HECA: variants seen among roughly 807,000 people sequenced by gnomAD.
HECA encodes headcase protein homolog.
In HECA, 13 loss-of-function variants were observed where a neutral mutation model predicts 37.6. That is an observed-to-expected ratio of 0.35 (90% CI 0.23 to 0.55). The LOEUF (loss-of-function observed/expected upper bound fraction) is 0.55. HECA is among the 20% of genes least tolerant of loss of function. The pLI is 0.90. For synonymous variants in HECA, 307 were observed against 291.5 expected (o/e 1.05, Z -0.54); for missense variants, 527 against 701.9 (o/e 0.75, Z 2.82).
At chr6:139,169,755 G>A (rs1774945596) in intron 2 of HECA, 1 of 152,200 alleles carries the variant, frequency 6.6e-6, no homozygotes, top group Non-Finnish European at 1.5e-5. Context: ...TTCAAGAGAT[G>A]TAAGTGGAAG....
chr6:139,137,866 T>A (rs1774469291), intron 1 of HECA, among the ~76,000 whole-genome samples: 1 of 152,058 alleles, frequency 6.6e-6, no homozygotes. Context: ...TGTTTCTGAT[T>A]AGGAGCTTAT....
At chr6:139,143,952 G>T (rs1200834960) in intron 1 of HECA, among the ~76,000 whole-genome samples, 2 of 152,140 alleles carry the variant, frequency 1.3e-5, no homozygotes, top group African/African-American at 4.8e-5. Context: ...AGCATATGTG[G>T]CAAAATATTG....
At chr6:139,162,683 A>G (rs1445428167) in intron 1 of HECA, among the ~76,000 whole-genome samples, 1 of 152,232 alleles carries the variant, frequency 6.6e-6, no homozygotes, top group African/African-American at 2.4e-5. Context: ...TAATTGTAAC[A>G]TATGACAGAA....
rs1582953723 is a variant in HECA at position 139,178,958 on chromosome 6, C to G, written c.*1853C>G. The G allele has an allele frequency of 6.6e-6, 1 of 152,162 alleles. No homozygotes were observed. Among genetic ancestry groups the G allele is most frequent in the African/African-American group, 2.4e-5 (1 of 41,428 alleles). The allele number at this position is 152,162 out of a possible 1,614,324, so 9.4% of individuals were successfully genotyped here. On this transcript the variant is annotated 3_prime_UTR_variant, in exon 4 of 4. Transcript: ENST00000367658. ...ACCAATGTTATTCACTAATATCATT[C>G]ATCTTTCAGTTTGGATGATTTGGTT...
At chr6:139,157,630 A>C (rs1446457537) in intron 1 of HECA, among the ~76,000 whole-genome samples, 2 of 152,260 alleles carry the variant, frequency 1.3e-5, no homozygotes, top group Non-Finnish European at 2.9e-5. Flanking sequence ...CATAAGCCTA[A>C]AGCACACATA....
chr6:139,143,763 A>AG (rs1289512947), intron 1 of HECA, among the ~76,000 whole-genome samples: 2 of 151,754 alleles, frequency 1.3e-5, no homozygotes, highest in African/African-American at 4.8e-5. Context: ...CGGGAGGCTG[A>AG]GGCAGGAGAA....
At chr6:139,164,101 G>C (rs530684985) in intron 1 of HECA, among the ~76,000 whole-genome samples, 78 of 103,776 alleles carry the variant, frequency 7.5e-4, no homozygotes, top group African/African-American at 2.3e-3. Context: ...CTCTCTCTCT[G>C]AGCATCTTCT....
intron 1 of HECA, among the ~76,000 whole-genome samples, chr6:139,148,506 G>A (rs1774611310): frequency 6.6e-6 from 1 of 152,234 alleles, no homozygotes; most frequent in South Asian, 2.1e-4. Context: ...GCTTACGCCT[G>A]TAATCTCAGC....
At chr6:139,139,127 G>T (rs72978610) in intron 1 of HECA, among the ~76,000 whole-genome samples, 6,231 of 152,232 alleles carry the variant, frequency 0.041, 136 homozygotes, top group African/African-American at 0.063. Flanking sequence ...ATTCCTTACT[G>T]CCTCTAGAAC....
chr6:139,154,746 A>G (rs953191473), intron 1 of HECA, among the ~76,000 whole-genome samples: 6 of 152,256 alleles, frequency 3.9e-5, no homozygotes, highest in African/African-American at 1.4e-4. Flanking sequence ...GAGAAGAAGC[A>G]GGTCCAGCAT....
At chr6:139,158,084 C>T (rs935079827) in intron 1 of HECA, among the ~76,000 whole-genome samples, 1 of 152,178 alleles carries the variant, frequency 6.6e-6, no homozygotes, top group Admixed American at 6.5e-5. Flanking sequence ...TGGCCAGGTG[C>T]AGTGGCTCAC....
chr6:139,158,502 C>CAA lies in HECA; in HGVS notation c.272-7768_272-7767dup, dbSNP rs34211036. Among the ~76,000 whole-genome samples, 488 of 130,734 alleles carry CAA rather than the reference C, an allele frequency of 3.7e-3. 5 individuals carry two copies. In the South Asian group the frequency reaches 0.041, roughly 11 times the overall value. 85.8% of individuals were successfully genotyped at this position (130,734 alleles called of 152,430 possible). ...TGGGTGACAGAGCGAGATTCCATCT[C>CAA]AAAAAAAAAAAAAAATCAGCTGGGA... is the stretch of plus-strand genomic sequence containing the variant. On this transcript the variant is annotated intron_variant, in intron 1 of 3. Transcript: ENST00000367658.
chr6:139,136,267 T>TAAAAAA (rs71674341), intron 1 of HECA, among the ~76,000 whole-genome samples: 2 of 132,032 alleles, frequency 1.5e-5, no homozygotes, highest in Non-Finnish European at 3.2e-5. Flanking sequence ...AGCCCGGAGT[T>TAAAAAA]AAAAAAAAAA....
At chr6:139,163,967 G>T (rs1297862959) in intron 1 of HECA, among the ~76,000 whole-genome samples, 1 of 151,998 alleles carries the variant, frequency 6.6e-6, no homozygotes, top group African/African-American at 2.4e-5. Context: ...AAATCAGTGG[G>T]TCCTAAATAG....
intron 1 of HECA, among the ~76,000 whole-genome samples, chr6:139,135,960 C>CT (rs1201702722): frequency 6.6e-6 from 1 of 151,968 alleles, no homozygotes; most frequent in African/African-American, 2.4e-5. Context: ...CGCGCTGGCA[C>CT]TGCCCCGCCG....
chr6:139,136,693 G>A (rs757513271), intron 1 of HECA, among the ~76,000 whole-genome samples: 3 of 151,228 alleles, frequency 2.0e-5, no homozygotes, highest in Non-Finnish European at 4.4e-5. Context: ...GGAGCGTAGT[G>A]GCGCAATCTC....
In HECA at chr6:139,167,281, G is replaced by A. The variant is rs375410347; in HGVS notation, c.1269G>A (p.Ser423=). The change falls in exon 2 of 4, where the codon TCG becomes TCA. Residue 423 remains serine (S), a synonymous_variant. Coordinates refer to ENST00000367658, the MANE Select transcript of HECA (RefSeq NM_016217.3). ...LVDGTLFLSP[S]RHDEIEYDVP... ...ATGGAACTTTGTTCCTAAGCCCGTC[G>A]AGACATGATGAGATCGAATATGATG... The A allele has an allele frequency of 2.5e-5, 41 of 1,609,248 alleles. No individual in the cohort carries two copies. Among genetic ancestry groups the A allele is most frequent in the South Asian group, 4.4e-5 (4 of 90,930 alleles).
chr6:139,142,111 AG>A (rs2114436106), intron 1 of HECA, among the ~76,000 whole-genome samples: 1 of 151,960 alleles, frequency 6.6e-6, no homozygotes, highest in South Asian at 2.1e-4. Flanking sequence ...TATTTTTAGT[AG>A]AGACAGGGTT....
In HECA at chr6:139,176,661, AG is replaced by A. The variant is rs1314488788; in HGVS notation, c.1468-275del. ...AGCTTCAGCCGCTGTCTTAAAATCC[AG>A]GGGGAGGGGTTTCTTATTGTTAGGG... is the stretch of plus-strand genomic sequence containing the variant. On this transcript the variant is annotated intron_variant, in intron 3 of 3. Coordinates refer to ENST00000367658, the MANE Select transcript of HECA (RefSeq NM_016217.3). The surrounding 1 kb of genome is among the most constrained non-coding windows in gnomAD (Gnocchi z 4.5). 6.6e-6 allele frequency among the ~76,000 whole-genome samples: 1 copy of A among 152,174 alleles called. No individual in the cohort carries two copies. The highest frequency in any genetic ancestry group is 1.5e-5 in the Non-Finnish European group (1 of 68,022).
Sources: gnomAD v4.1 joint callset for allele counts (sites outside exome capture counted in the v4.1 genomes callset) on GRCh38, gnomAD v4.1.1 for gene constraint, Gnocchi (gnomAD v3.1) non-coding constraint, MANE v1.5 for transcripts, NCBI Gene and HGNC (gene_info 2026-07-23, HGNC 2026-07-21) for gene names.